Variants in ADAMTSL3 observed in about 807,000 individuals in gnomAD.
The protein encoded by ADAMTSL3 is ADAMTS like 3.
In ADAMTSL3, 128 loss-of-function variants were observed where a neutral mutation model predicts 201.7. The observed-to-expected ratio is 0.63, with a 90% CI of 0.55 to 0.73. ADAMTSL3 has a LOEUF of 0.73. Among genes scored for constraint, ADAMTSL3 ranks in the 30% least tolerant of loss-of-function variants. The pLI is 0.00. For synonymous variants in ADAMTSL3, 738 were observed against 748.4 expected, an observed-to-expected ratio of 0.99 and a Z score of 0.23; for missense variants, 1,990 against 2,119.6, an observed-to-expected ratio of 0.94 and a Z score of 1.20.
chr15:83,780,657 GAGA>G (rs1372928912), intron 4 of ADAMTSL3, among the ~76,000 whole-genome samples: 1 of 152,154 alleles, frequency 6.6e-6, no homozygotes, highest in Non-Finnish European at 1.5e-5. Flanking sequence ...TAAATAGGAA[GAGA>G]AGAAGTTAAA....
At chr15:83,768,725 G>A (rs1438286755) in intron 3 of ADAMTSL3, among the ~76,000 whole-genome samples, 1 of 152,196 alleles carries the variant, frequency 6.6e-6, no homozygotes, top group Non-Finnish European at 1.5e-5. Context: ...TACATTTTCA[G>A]CAATGGCCCA....
intron 12 of ADAMTSL3, 102 bp from the exon 13 acceptor site, chr15:83,892,582 G>C (rs979244685): frequency 8.6e-7 from 1 of 1,162,486 alleles, no homozygotes; most frequent in Non-Finnish European, 1.2e-6. Flanking sequence ...TCATTCAGCT[G>C]AACCACAATT....
chr15:83,776,196 C>T (rs1438283982), intron 4 of ADAMTSL3, among the ~76,000 whole-genome samples: 1 of 152,192 alleles, frequency 6.6e-6, no homozygotes, highest in Admixed American at 6.5e-5. Context: ...AAGCCCTCAT[C>T]CCTTCTCCTT....
chr15:83,679,867 A>C (rs551129402), intron 2 of ADAMTSL3, among the ~76,000 whole-genome samples: 10 of 152,288 alleles, frequency 6.6e-5, no homozygotes, highest in Non-Finnish European at 1.2e-4. Flanking sequence ...GCAGTGGTTA[A>C]GGGGAGTGTT....
chr15:83,795,840 C>A (rs750018050), intron 4 of ADAMTSL3, among the ~76,000 whole-genome samples: 32 of 152,168 alleles, frequency 2.1e-4, no homozygotes, highest in Admixed American at 5.2e-4. Context: ...GTCAGGCCAC[C>A]AACCGGCTGC....
chr15:84,003,085 G>C (rs1282045371), intron 23 of ADAMTSL3, among the ~76,000 whole-genome samples: 2 of 151,164 alleles, frequency 1.3e-5, no homozygotes, highest in African/African-American at 4.9e-5. Context: ...AGCCCCTTGA[G>C]ACTACAGCCA....
Position 84,016,376 on chromosome 15 carries a change from TCCTCA to T in ADAMTSL3, c.4157-6_4157-2del. On this transcript the variant is annotated splice_acceptor_variant and splice_polypyrimidine_tract_variant and intron_variant, in intron 24 of 29. Transcript: ENST00000286744. LOFTEE classifies it high-confidence loss of function. ...CTGGTAAAAGTGCTACTTTTTTTTT[TCCTCA>T]GAACGAAGATGGCCAGAGAGTAGAA... 1.9e-6 allele frequency: 3 copies of T among 1,610,122 alleles called. No individual in the cohort carries two copies. The highest frequency in any genetic ancestry group is 1.7e-5 in the Admixed American group (1 of 59,828).
chr15:83,738,470 C>G (rs1333145254), intron 3 of ADAMTSL3, among the ~76,000 whole-genome samples: 1 of 152,098 alleles, frequency 6.6e-6, no homozygotes, highest in Non-Finnish European at 1.5e-5. Context: ...GAAGATTTGT[C>G]AAGGCTCTGT....
At chr15:83,920,379 A>G (rs901249696) in intron 16 of ADAMTSL3, among the ~76,000 whole-genome samples, 2 of 152,256 alleles carry the variant, frequency 1.3e-5, no homozygotes, top group African/African-American at 4.8e-5. Flanking sequence ...TCCTAAGGCC[A>G]AATGGCTTTC....
intron 19 of ADAMTSL3, among the ~76,000 whole-genome samples, chr15:83,943,804 A>G (rs781478520): frequency 2.0e-5 from 3 of 152,194 alleles, no homozygotes; most frequent in Non-Finnish European, 2.9e-5. Context: ...TAGTGTTCCC[A>G]TCACTGTGTC....
chr15:83,964,227 CA>C (rs2067034038), intron 19 of ADAMTSL3, among the ~76,000 whole-genome samples: 1 of 151,932 alleles, frequency 6.6e-6, no homozygotes, highest in Non-Finnish European at 1.5e-5. Flanking sequence ...CAAACTCCTC[CA>C]AGTTAAAGGA....
intron 3 of ADAMTSL3, among the ~76,000 whole-genome samples, chr15:83,753,137 T>C (rs2062664991): frequency 1.3e-5 from 2 of 152,234 alleles, no homozygotes; most frequent in South Asian, 4.1e-4. Flanking sequence ...AAACCCTGGC[T>C]ACCTTTCTGA....
chr15:83,973,751 C>G (rs1477359846), intron 20 of ADAMTSL3, among the ~76,000 whole-genome samples: 1 of 152,142 alleles, frequency 6.6e-6, no homozygotes, highest in African/African-American at 2.4e-5. Flanking sequence ...CACCTCAAAT[C>G]TACCCCCTCT....
chr15:83,806,557 A>G (rs1567157691), intron 5 of ADAMTSL3, among the ~76,000 whole-genome samples: 1 of 152,238 alleles, frequency 6.6e-6, no homozygotes, highest in Non-Finnish European at 1.5e-5. Flanking sequence ...CACAGATATC[A>G]AAGTAGATAC....
chr15:83,665,187 G>A (rs1339002528), intron 2 of ADAMTSL3, among the ~76,000 whole-genome samples: 1 of 152,152 alleles, frequency 6.6e-6, no homozygotes, highest in Non-Finnish European at 1.5e-5. Flanking sequence ...CTGAAGGAGT[G>A]GAACTTGGTA....
intron 3 of ADAMTSL3, among the ~76,000 whole-genome samples, chr15:83,741,721 G>T (rs929488816): frequency 6.6e-6 from 1 of 152,330 alleles, no homozygotes; most frequent in South Asian, 2.1e-4. Context: ...ATTTGGCTGG[G>T]TATGGTGGCT....
intron 7 of ADAMTSL3, among the ~76,000 whole-genome samples, chr15:83,856,038 GA>G (rs1270607087): frequency 2.0e-5 from 3 of 151,460 alleles, no homozygotes; most frequent in African/African-American, 7.3e-5. Flanking sequence ...CAAAACAAAA[GA>G]AAAACAACAA....
rs192310692 is a variant in ADAMTSL3 at position 83,812,944 on chromosome 15, C to T, written c.364-6867C>T. On this transcript the variant is annotated intron_variant, in intron 5 of 29. Coordinates refer to ENST00000286744, the MANE Select transcript of ADAMTSL3 (RefSeq NM_207517.3). ...AGTAACCTGCCCAAGGTCACAGAAC[C>T]GAATTTAACCTCAGACAGTCAGGTT... Among the ~76,000 whole-genome samples the T allele has an allele frequency of 4.6e-5, 7 of 152,290 alleles. No homozygotes were observed. In the East Asian group the frequency reaches 1.3e-3, roughly 29 times the overall value.
chr15:83,769,837 A>T (rs2062950815), intron 3 of ADAMTSL3, among the ~76,000 whole-genome samples: 1 of 151,628 alleles, frequency 6.6e-6, no homozygotes, highest in South Asian at 2.1e-4. Context: ...GGCTTAAGGA[A>T]ACCTTTGCAG....
Sources: allele counts gnomAD v4.1 joint callset (sites outside exome capture counted in the v4.1 genomes callset), GRCh38; gene constraint gnomAD v4.1.1; transcripts MANE v1.5; gene names NCBI Gene and HGNC (gene_info 2026-07-23, HGNC 2026-07-21).